DOCK3: variants seen among roughly 807,000 people sequenced by gnomAD.
DOCK3 encodes the protein dedicator of cytokinesis protein 3.
In DOCK3, 60 loss-of-function variants were observed where a neutral mutation model predicts 265.6. The observed-to-expected ratio is 0.23, with a 90% CI of 0.18 to 0.28. The LOEUF is 0.28. DOCK3 is among the 10% of genes least tolerant of loss of function. DOCK3 has a pLI of 1.00. For missense variants in DOCK3, 1,981 were observed against 2,594.3 expected (o/e 0.76, Z 5.14); for synonymous variants, 881 against 938.0 (o/e 0.94, Z 1.11).
At chr3:50,879,536 G>A (rs532100775) in intron 3 of DOCK3, among the ~76,000 whole-genome samples, 2 of 152,226 alleles carry the variant, frequency 1.3e-5, no homozygotes, top group African/African-American at 2.4e-5. Context: ...ACAAAGAAGG[G>A]CATTACATAA....
chr3:50,849,396 A>C (rs2046252057), intron 3 of DOCK3, among the ~76,000 whole-genome samples: 1 of 151,812 alleles, frequency 6.6e-6, no homozygotes, highest in Admixed American at 6.6e-5. Context: ...ATATACACAC[A>C]CACACACATA....
chr3:51,293,353 G>A (rs895721041), intron 27 of DOCK3, among the ~76,000 whole-genome samples: 2 of 152,094 alleles, frequency 1.3e-5, no homozygotes, highest in Non-Finnish European at 2.9e-5. Context: ...TTTTGACAAA[G>A]ATGCCAAGAA....
At chr3:50,887,581 A>G (rs1238065970) in intron 3 of DOCK3, among the ~76,000 whole-genome samples, 1 of 85,638 alleles carries the variant, frequency 1.2e-5, no homozygotes, top group South Asian at 4.8e-4. Context: ...TTTTAGGCCA[A>G]TATACCTGAT....
intron 5 of DOCK3, among the ~76,000 whole-genome samples, chr3:51,012,352 G>A (rs2078986206): frequency 6.6e-6 from 1 of 152,134 alleles, no homozygotes; most frequent in African/African-American, 2.4e-5. Flanking sequence ...GCAATGGCAG[G>A]CACCCTCCTC....
chr3:50,718,404 T>C (rs1393442668), intron 1 of DOCK3, among the ~76,000 whole-genome samples: 4 of 152,202 alleles, frequency 2.6e-5, no homozygotes, highest in African/African-American at 9.6e-5. Context: ...TTTCCTTCAG[T>C]GTCTTTAAAA....
chr3:51,355,951 A>G, intron 41 of DOCK3, 138 bp from the exon 42 acceptor site: 1 of 1,020,930 alleles, frequency 9.8e-7, no homozygotes, highest in South Asian at 1.5e-5. Flanking sequence ...GCCCCTAGAG[A>G]TGCCACTGCC....
At chr3:51,105,565 T>G (rs2083249802) in intron 9 of DOCK3, among the ~76,000 whole-genome samples, 1 of 152,220 alleles carries the variant, frequency 6.6e-6, no homozygotes, top group African/African-American at 2.4e-5. Flanking sequence ...TGTATCTATA[T>G]ATAATGGAAT....
At chr3:50,975,309 T>C (rs369669254) in intron 5 of DOCK3, among the ~76,000 whole-genome samples, 2 of 151,450 alleles carry the variant, frequency 1.3e-5, no homozygotes, top group Non-Finnish European at 3.0e-5. Flanking sequence ...TTTTGAAATA[T>C]GTCCCATCAA....
rs532580378 is a variant in DOCK3 at position 51,039,171 on chromosome 3, T to G, written c.316-25277T>G. Among the ~76,000 whole-genome samples the G allele has an allele frequency of 5.3e-5, 8 of 152,074 alleles. No individual in the cohort carries two copies. In the South Asian group the frequency reaches 1.5e-3, roughly 28 times the overall value. The stretch of plus-strand genomic sequence containing the variant: ...CCACCACACCCGGCTAATTTTTATA[T>G]TTTTAGTAGAGATGAGGTTTCACTA... On this transcript the variant is annotated intron_variant, in intron 5 of 52. Transcript: ENST00000266037.
chr3:50,815,337 T>A (rs1234207366), intron 2 of DOCK3, among the ~76,000 whole-genome samples: 1 of 152,226 alleles, frequency 6.6e-6, no homozygotes, highest in Non-Finnish European at 1.5e-5. Flanking sequence ...TTCTTTGGAA[T>A]TAATATTTGA....
Position 50,778,695 on chromosome 3 carries a change from T to C in DOCK3, c.58T>C (p.Ser20Pro), listed in dbSNP as rs777400073. The C allele has an allele frequency of 1.3e-6, 2 of 1,587,898 alleles. No individual in the cohort carries two copies. The highest frequency in any genetic ancestry group is 1.7e-6 in the Non-Finnish European group (2 of 1,166,190). ...YGVVICSFRGSVPQGLVLEIG... is the reference protein window; with the variant it reads ...YGVVICSFRGPVPQGLVLEIG... ...TCTAGTGATATGCAGCTTTCGAGGATCTGTCCCTCAAGGGTTGGTCTTAGA... is the reference window on the plus strand; with the variant it reads ...TCTAGTGATATGCAGCTTTCGAGGACCTGTCCCTCAAGGGTTGGTCTTAGA... The change falls in exon 2 of 53, where the codon TCT (serine) becomes CCT (proline). Residue 20 changes from serine (S) to proline (P), a missense_variant. By Grantham distance (74) the Ser-to-Pro change is moderately conservative. Transcript: ENST00000266037.
intron 32 of DOCK3, among the ~76,000 whole-genome samples, chr3:51,322,067 G>T (rs2083766840): frequency 6.6e-6 from 1 of 152,164 alleles, no homozygotes; most frequent in African/African-American, 2.4e-5. Context: ...AAATGTTAAG[G>T]GCAGCCAGAG....
chr3:51,381,677 A>G lies in DOCK3; in HGVS notation c.*118A>G. ...AGCCAGAGAGGCTTGCACTCAGGAGAGAACCACCCCCAAGTCTCCGTTCTA... is the reference window on the plus strand; with the variant it reads ...AGCCAGAGAGGCTTGCACTCAGGAGGGAACCACCCCCAAGTCTCCGTTCTA... On this transcript the variant is annotated 3_prime_UTR_variant, in exon 53 of 53. Transcript: ENST00000266037. This position sits in a 1 kb window ranked among gnomAD's most constrained non-coding sequence, Gnocchi z 5.6. 2.2e-6 allele frequency: 3 copies of G among 1,355,530 alleles called. No homozygotes were observed. The highest frequency in any genetic ancestry group is 5.8e-5 in the Admixed American group (2 of 34,292). The allele number at this position is 1,355,530 out of a possible 1,614,324, so 84.0% of individuals were successfully genotyped here.
chr3:51,124,779 G>A (rs555686389), intron 9 of DOCK3, among the ~76,000 whole-genome samples: 1 of 152,194 alleles, frequency 6.6e-6, no homozygotes, highest in Admixed American at 6.5e-5. Flanking sequence ...GCCAGGCTTA[G>A]GCTAAAATCT....
At chr3:50,859,416 C>T (rs1367142145) in intron 3 of DOCK3, among the ~76,000 whole-genome samples, 2 of 151,830 alleles carry the variant, frequency 1.3e-5, no homozygotes, top group South Asian at 4.2e-4. Flanking sequence ...CTGGGTTTCA[C>T]GGTGTTGGCC....
In DOCK3 at chr3:51,222,040, C is replaced by A. The variant is rs573866800; in HGVS notation, c.1253-3609C>A. On this transcript the variant is annotated intron_variant, in intron 14 of 52. Transcript: ENST00000266037. Reference sequence around the variant, plus strand: ...TGATTTTTTAAAAAATATATGTACACAAGACCCACTGGAATTTCAAGGTGT... The same window carrying A: ...TGATTTTTTAAAAAATATATGTACAAAAGACCCACTGGAATTTCAAGGTGT... Among the ~76,000 whole-genome samples, 4 of 152,292 alleles carry A rather than the reference C, an allele frequency of 2.6e-5. 1 individual carries two copies. Among genetic ancestry groups the A allele is most frequent in the African/African-American group, 9.6e-5 (4 of 41,554 alleles).
At chr3:51,365,090 G>A (rs1197530053) in intron 49 of DOCK3, among the ~76,000 whole-genome samples, 10 of 152,276 alleles carry the variant, frequency 6.6e-5, no homozygotes, top group East Asian at 1.9e-4. Context: ...CCATTTTCAC[G>A]ATACTGATTC....
chr3:50,970,467 T>C (rs1488416751), intron 5 of DOCK3, among the ~76,000 whole-genome samples: 1 of 152,130 alleles, frequency 6.6e-6, no homozygotes, highest in Non-Finnish European at 1.5e-5. Flanking sequence ...CTTTACTTCT[T>C]GAAGGCTTTT....
chr3:50,735,212 G>C (rs1223372417), intron 1 of DOCK3, among the ~76,000 whole-genome samples: 2 of 152,134 alleles, frequency 1.3e-5, no homozygotes, highest in Non-Finnish European at 2.9e-5. Flanking sequence ...TTTGTGATGA[G>C]TGCTCTCATG....
Sources: gnomAD v4.1 joint callset for allele counts (sites outside exome capture counted in the v4.1 genomes callset) on GRCh38, gnomAD v4.1.1 for gene constraint, Gnocchi (gnomAD v3.1) non-coding constraint, MANE v1.5 for transcripts, NCBI Gene and HGNC (gene_info 2026-07-23, HGNC 2026-07-21) for gene names.